CYP2B6: variants seen among roughly 807,000 people sequenced by gnomAD.
CYP2B6 encodes the protein cytochrome P450 family 2 subfamily B member 6, also known as cytochrome P450 2B6.
CYP2B6 carries 35 observed loss-of-function variants against 43.4 expected under a neutral mutation model. That is an observed-to-expected ratio of 0.81 (90% CI 0.62 to 1.07). The LOEUF is 1.07. Among genes scored for constraint, CYP2B6 ranks in the 50% least tolerant of loss-of-function variants. The pLI is 0.00. For synonymous variants in CYP2B6, 239 were observed against 239.2 expected, an observed-to-expected ratio of 1.00 and a Z score of 0.01; for missense variants, 624 against 632.8, an observed-to-expected ratio of 0.99 and a Z score of 0.15.
Position 41,016,910 on chromosome 19 carries a change from A to T in CYP2B6, c.*83A>T, listed in dbSNP as rs1599855007. ...TAGACAATGGCTCTGACTCCCCGCAACTTCCTGCCTCTGAGAGACCTGCTA... is the reference window on the plus strand; with the variant it reads ...TAGACAATGGCTCTGACTCCCCGCATCTTCCTGCCTCTGAGAGACCTGCTA... On this transcript the variant is annotated 3_prime_UTR_variant, in exon 9 of 9. Transcript: ENST00000324071. The T allele has an allele frequency of 1.6e-5, 23 of 1,449,290 alleles. No individual in the cohort carries two copies. In the Admixed American group the frequency reaches 3.4e-4, roughly 21 times the overall value. The allele number at this position is 1,449,290 out of a possible 1,614,324, so 89.8% of individuals were successfully genotyped here.
At position 41,012,914 on chromosome 19, in the gene CYP2B6, A is replaced by G. The variant is rs1969308058; in HGVS notation, c.1294+99A>G. 9 of 1,332,880 alleles carry G rather than the reference A, an allele frequency of 6.8e-6. No individual in the cohort carries two copies. The South Asian group carries it at 7.1e-5, about 10-fold the overall frequency. The allele number at this position is 1,332,880 out of a possible 1,614,324, so 82.6% of individuals were successfully genotyped here. A position where few individuals can be genotyped will look rare whatever the true frequency, so the allele number is the denominator to read the frequency against. ...GAGATACTGATTATTTGAGCACTTA[A>G]TATATTCTGATTGCTTCACCTGCCT... is the stretch of plus-strand genomic sequence containing the variant. On this transcript the variant is annotated intron_variant, in intron 8 of 8. Transcript: ENST00000324071.
intron 8 of CYP2B6, among the ~76,000 whole-genome samples, chr19:41,015,011 A>AAG (rs1188398642): frequency 1.3e-3 from 194 of 152,210 alleles, no homozygotes; most frequent in African/African-American, 4.5e-3. Flanking sequence ...ATGAGAGAGA[A>AAG]AGAGATTGGG....
At chr19:41,013,168 C>T (rs1969311060) in intron 8 of CYP2B6, 1 of 272,900 alleles carries the variant, frequency 3.7e-6, no homozygotes, top group Admixed American at 4.9e-5. Context: ...AGACAGGGTT[C>T]CTGCCCCAGG....
In CYP2B6 at chr19:40,998,059, G is replaced by A. The variant is rs1026877150; in HGVS notation, c.172-5942G>A. Among the ~76,000 whole-genome samples, 10 of 152,028 alleles carry A rather than the reference G, an allele frequency of 6.6e-5. 1 individual carries two copies. The highest frequency in any genetic ancestry group is 9.7e-5 in the African/African-American group (4 of 41,336). ...TGAGGCTGCAGTGAGCTATGATCAC[G>A]TCACTGCCCTCCAGCCTGGGCACAG... On this transcript the variant is annotated intron_variant, in intron 1 of 8. Transcript: ENST00000324071.
At chr19:41,012,988 A>C in intron 8 of CYP2B6, 173 bp downstream of exon 8, 1 of 793,610 alleles carries the variant, frequency 1.3e-6, no homozygotes, top group East Asian at 2.5e-5. Context: ...TTGAGAAAGA[A>C]GATTACATTC....
At chr19:41,016,532 C>A in intron 8 of CYP2B6, 114 bp from the exon 9 acceptor site, 1 of 1,099,654 alleles carries the variant, frequency 9.1e-7, no homozygotes, top group South Asian at 1.3e-5. Context: ...AGGTTAAAGG[C>A]CAGTCTTATG....
At chr19:41,000,243 A>C (rs1472465958) in intron 1 of CYP2B6, among the ~76,000 whole-genome samples, 2 of 152,032 alleles carry the variant, frequency 1.3e-5, no homozygotes, top group African/African-American at 4.8e-5. Context: ...GCCCCTCCTT[A>C]CTGAGCCTAT....
chr19:41,009,849 T>C lies in CYP2B6; in HGVS notation c.823-145T>C, dbSNP rs542247973. 4.1e-4 allele frequency: 334 copies of C among 805,624 alleles called. No individual in the cohort carries two copies. The African/African-American group carries it at 4.6e-3, about 11-fold the overall frequency. 49.9% of individuals were successfully genotyped at this position (805,624 alleles called of 1,614,324 possible). A position where few individuals can be genotyped will look rare whatever the true frequency, so the allele number is the denominator to read the frequency against. On this transcript the variant is annotated intron_variant, in intron 5 of 8. Coordinates refer to ENST00000324071, the MANE Select transcript of CYP2B6 (RefSeq NM_000767.5). ...GATGAGTTAGAGATACGCGGTTGGA[T>C]GTGTAGAGGACAGAGAAAAGCAAAC...
chr19:41,014,233 A>G (rs552285949), intron 8 of CYP2B6, among the ~76,000 whole-genome samples: 197 of 151,960 alleles, frequency 1.3e-3, no homozygotes, highest in African/African-American at 4.3e-3. Context: ...TTTATCTTCA[A>G]TGAAAATTGG....
At chr19:40,998,516 G>A (rs1449088131) in intron 1 of CYP2B6, among the ~76,000 whole-genome samples, 1 of 149,254 alleles carries the variant, frequency 6.7e-6, no homozygotes, top group Non-Finnish European at 1.5e-5. Flanking sequence ...CTGGTGCGCT[G>A]CACCCACTAA....
Position 41,012,494 on chromosome 19 carries a change from G to A in CYP2B6, c.1152+9G>A, listed in dbSNP as rs200334437. On this transcript the variant is annotated intron_variant, in intron 7 of 8. Transcript: ENST00000324071. ...GGTACATCATCCCCAAGGTAAGACC[G>A]GCTGGAACCCCATAGCCCTCCTGTT... The A allele has an allele frequency of 1.4e-4, 224 of 1,613,890 alleles. No individual in the cohort carries two copies. The highest frequency in any genetic ancestry group is 8.1e-4 in the African/African-American group (61 of 74,890).
rs1266633637 is a variant in CYP2B6 at position 40,991,436 on chromosome 19, T to A, written c.131T>A (p.Leu44Gln). The A allele has an allele frequency of 6.2e-7, 1 of 1,614,016 alleles. No homozygotes were observed. ...CCTCTGCCCCTTTTGGGAAACCTTC[T>A]GCAGATGGATAGAAGAGGCCTACTC... is the stretch of plus-strand genomic sequence containing the variant. ...PRPLPLLGNL[L>Q]QMDRRGLLKS... The change falls in exon 1 of 9, where the codon CTG becomes CAG. Residue 44 changes from leucine (L) to glutamine (Q), a missense_variant. By Grantham distance (113) the Leu-to-Gln change is moderately radical. Transcript: ENST00000324071.
intron 1 of CYP2B6, among the ~76,000 whole-genome samples, chr19:40,998,291 C>G (rs1189222657): frequency 6.6e-6 from 1 of 152,140 alleles, no homozygotes; most frequent in Non-Finnish European, 1.5e-5. Flanking sequence ...CCTTCTAGCT[C>G]TTGGTATCCC....
rs1969379907 is a variant in CYP2B6, at chr19:41,016,927, G to A, written c.*100G>A. 3.8e-6 allele frequency: 5 copies of A among 1,306,286 alleles called. No individual in the cohort carries two copies. Among genetic ancestry groups the A allele is most frequent in the Middle Eastern group, 2.0e-4 (1 of 5,036 alleles). 80.9% of individuals were successfully genotyped at this position (1,306,286 alleles called of 1,614,324 possible). A position where few individuals can be genotyped will look rare whatever the true frequency, so the allele number is the denominator to read the frequency against. ...TCCCCGCAACTTCCTGCCTCTGAGA[G>A]ACCTGCTACAAGCCAGCTTCCTTCC... On this transcript the variant is annotated 3_prime_UTR_variant, in exon 9 of 9. Coordinates refer to ENST00000324071, the MANE Select transcript of CYP2B6 (RefSeq NM_000767.5).
intron 8 of CYP2B6, among the ~76,000 whole-genome samples, chr19:41,014,609 A>G (rs1471251024): frequency 6.6e-6 from 1 of 152,158 alleles, no homozygotes; most frequent in Non-Finnish European, 1.5e-5. Flanking sequence ...CTGGCCTGCT[A>G]ATTTGTTTTA....
intron 5 of CYP2B6, 181 bp from the exon 6 acceptor site, chr19:41,009,813 A>G: frequency 1.5e-6 from 1 of 661,164 alleles, no homozygotes; most frequent in Non-Finnish European, 2.7e-6. Flanking sequence ...GACTAAAGAG[A>G]GGCTGAGAGA....
chr19:41,004,311 A>G lies in CYP2B6; in HGVS notation c.349A>G (p.Asn117Asp), dbSNP rs1212409331. 4 of 1,613,904 alleles carry G rather than the reference A, an allele frequency of 2.5e-6. No individual in the cohort carries two copies. The highest frequency in any genetic ancestry group is 3.4e-6 in the Non-Finnish European group (4 of 1,179,996). The change falls in exon 3 of 9, where the codon AAT becomes GAT. Residue 117 changes from asparagine (N) to aspartate (D), a missense_variant. Coordinates refer to ENST00000324071, the MANE Select transcript of CYP2B6 (RefSeq NM_000767.5). ...FFRGYGVIFANGNRWKVLRRF... is the reference protein window; with the variant it reads ...FFRGYGVIFADGNRWKVLRRF... Reference sequence around the variant, plus strand: ...CTGCACCCCAGGTGTGATCTTTGCCAATGGAAACCGCTGGAAGGTGCTTCG... The same window carrying G: ...CTGCACCCCAGGTGTGATCTTTGCCGATGGAAACCGCTGGAAGGTGCTTCG...
In CYP2B6 at chr19:41,006,779, A is replaced by G. The variant is rs1428191493; in HGVS notation, c.485-126A>G. ...ACGCGTGACGTGCTGGTACATAATT[A>G]GCTGTTACGGTTATTCTCATGTTTA... On this transcript the variant is annotated intron_variant, in intron 3 of 8. Transcript: ENST00000324071. The G allele has an allele frequency of 4.6e-6, 4 of 860,784 alleles. No individual in the cohort carries two copies. In the African/African-American group the frequency reaches 5.0e-5, roughly 11 times the overall value. The allele number at this position is 860,784 out of a possible 1,614,324, so 53.3% of individuals were successfully genotyped here. A position where few individuals can be genotyped will look rare whatever the true frequency, so the allele number is the denominator to read the frequency against.
rs1449181317 is a variant in CYP2B6 at position 41,016,759 on chromosome 19, C to T, written c.1408C>T (p.Leu470=). ...ASPVAPEDID[L]TPQECGVGKI... ...CCCCGTGGCCCCAGAAGACATCGAT[C>T]TGACACCCCAGGAGTGTGGTGTGGG... Residue 470 remains leucine, a synonymous_variant, in exon 9 of 9, where the codon CTG becomes TTG. Coordinates refer to ENST00000324071, the MANE Select transcript of CYP2B6 (RefSeq NM_000767.5). 2.4e-5 allele frequency: 38 copies of T among 1,614,120 alleles called. No homozygotes were observed. The highest frequency in any genetic ancestry group is 3.1e-5 in the Non-Finnish European group (36 of 1,180,052).
Sources: allele counts gnomAD v4.1 joint callset (sites outside exome capture counted in the v4.1 genomes callset), GRCh38; gene constraint gnomAD v4.1.1; transcripts MANE v1.5; gene names NCBI Gene and HGNC (gene_info 2026-07-23, HGNC 2026-07-21).